IL31RA: variants seen among roughly 807,000 people sequenced by gnomAD.
IL31RA encodes interleukin 31 receptor A.
Under a neutral mutation model 83.7 loss-of-function variants are expected in IL31RA, and 66 were observed. The ratio of observed to expected loss-of-function variants is 0.79; its 90% confidence interval spans 0.65 to 0.97. IL31RA has a LOEUF of 0.97. Ranked by LOEUF, IL31RA falls within the 50% of genes least tolerant of loss-of-function variation. The pLI is 0.00. For synonymous variants in IL31RA, 325 were observed against 329.0 expected (o/e 0.99, Z 0.13); for missense variants, 798 against 919.4 (o/e 0.87, Z 1.71).
chr5:55,880,831 A>G (rs1385216626), intron 4 of IL31RA, among the ~76,000 whole-genome samples: 3 of 152,224 alleles, frequency 2.0e-5, no homozygotes, highest in Non-Finnish European at 4.4e-5. Context: ...GGAGTTTTAA[A>G]TGAAAAATTA....
intron 3 of IL31RA, 43 bp from the exon 4 acceptor site, chr5:55,872,227 A>G (rs757805189): frequency 1.4e-6 from 2 of 1,431,376 alleles, no homozygotes; most frequent in East Asian, 2.3e-5. Flanking sequence ...ATGTTTCCAA[A>G]CCATTGTACT....
upstream of IL31RA, among the ~76,000 whole-genome samples, chr5:55,848,233 G>A (rs1744980840): frequency 6.6e-6 from 1 of 152,142 alleles, no homozygotes; most frequent in Non-Finnish European, 1.5e-5. Flanking sequence ...AAAGATAGCA[G>A]TATCTACAGA....
chr5:55,872,411 A>G lies in IL31RA; in HGVS notation c.414A>G (p.Val138=). The change falls in exon 4 of 15, where the codon GTA becomes GTG. Residue 138 remains valine, a synonymous_variant. Coordinates refer to ENST00000652347, the MANE Select transcript of IL31RA (RefSeq NM_139017.7). ...IEVEAENGDG[V]IKSHMTYWRL... ...TGGAAGCTGAAAATGGAGATGGTGT[A>G]ATTAAATCTCATATGACATACTGGA... The G allele has an allele frequency of 6.2e-7, 1 of 1,610,362 alleles. No homozygotes were observed. Among genetic ancestry groups the G allele is most frequent in the East Asian group, 2.2e-5 (1 of 44,836 alleles).
At chr5:55,841,486 A>C in the IL31RA span, among the ~76,000 whole-genome samples, 1 of 152,222 alleles carries the variant, frequency 6.6e-6, no homozygotes, top group Non-Finnish European at 1.5e-5. Flanking sequence ...ATGGGCATCC[A>C]CAGGCAGGGA....
rs1169339313 is a variant in IL31RA at position 55,851,629 on chromosome 5, A to G, written c.59A>G (p.Asn20Ser). Reference sequence around the variant, plus strand: ...GCATGTGTCTGTGAATGTCCGCAAAACATTGTGAGTATTGATTTGGGGGGT... The same window carrying G: ...GCATGTGTCTGTGAATGTCCGCAAAGCATTGTGAGTATTGATTTGGGGGGT... The part of the protein sequence containing the change: ...TTACVCECPQ[N>S]ILSPQPSCVN... Residue 20 changes from asparagine (N) to serine (S), a missense_variant, in exon 1 of 15, where the codon AAC becomes AGC. By Grantham distance (46) the Asn-to-Ser change is conservative. Transcript: ENST00000652347. The G allele has an allele frequency of 1.9e-6, 3 of 1,613,872 alleles. No individual in the cohort carries two copies. The highest frequency in any genetic ancestry group is 2.5e-6 in the Non-Finnish European group (3 of 1,179,834).
chr5:55,842,016 G>A, the IL31RA span, among the ~76,000 whole-genome samples: 36 of 152,068 alleles, frequency 2.4e-4, no homozygotes, highest in African/African-American at 7.0e-4. Context: ...CTGGCCTCAA[G>A]CAATCCTCCC....
chr5:55,840,019 A>T, the IL31RA span: 1 of 489,820 alleles, frequency 2.0e-6, no homozygotes, highest in East Asian at 3.9e-5. Context: ...TTGGTGCCCA[A>T]CATCATTGTC....
At chr5:55,862,846 A>C (rs934577962) in intron 2 of IL31RA, among the ~76,000 whole-genome samples, 3 of 152,216 alleles carry the variant, frequency 2.0e-5, no homozygotes, top group Non-Finnish European at 4.4e-5. Context: ...CTTAAGGAGT[A>C]CTGACAAGTA....
intron 8 of IL31RA, among the ~76,000 whole-genome samples, chr5:55,904,369 T>G (rs1749004507): frequency 6.6e-6 from 1 of 152,072 alleles, no homozygotes; most frequent in South Asian, 2.1e-4. Flanking sequence ...GCGCCAACAT[T>G]GGCTGCTAGA....
intron 9 of IL31RA, among the ~76,000 whole-genome samples, chr5:55,906,725 C>T (rs1419847380): frequency 5.3e-5 from 8 of 152,162 alleles, no homozygotes; most frequent in Admixed American, 3.3e-4. Flanking sequence ...GTAAGATATG[C>T]GAGTGAGGCT....
rs1747893784 is a variant in IL31RA at position 55,890,109 on chromosome 5, A to T, written c.746A>T (p.Glu249Val). ...ESKFWSDWSQ[E>V]KMGMTEEEAP... ...AAGTTCTGGAGTGACTGGAGCCAAG[A>T]AAAAATGGGAATGACTGAGGAAGAA... is the stretch of plus-strand genomic sequence containing the variant. Residue 249 changes from glutamate (E) to valine (V), a missense_variant, in exon 6 of 15, where the codon GAA becomes GTA. By Grantham distance (121) the Glu-to-Val change is moderately radical (BLOSUM62 -2). Transcript: ENST00000652347. The T allele has an allele frequency of 6.2e-7, 1 of 1,613,746 alleles. No individual in the cohort carries two copies. Among genetic ancestry groups the T allele is most frequent in the African/African-American group, 1.3e-5 (1 of 74,904 alleles).
At chr5:55,911,154 C>T (rs1580744216) in intron 12 of IL31RA, among the ~76,000 whole-genome samples, 3 of 150,632 alleles carry the variant, frequency 2.0e-5, no homozygotes, top group Admixed American at 2.0e-4. Flanking sequence ...GGAAGCCTCA[C>T]AGTCATGGTG....
At chr5:55,884,266 T>C (rs1305311325) in intron 5 of IL31RA, among the ~76,000 whole-genome samples, 1 of 152,230 alleles carries the variant, frequency 6.6e-6, no homozygotes, top group Non-Finnish European at 1.5e-5. Context: ...TTTTGAGGAA[T>C]AGTCACTTAA....
rs527250935 is a variant in IL31RA at position 55,872,829 on chromosome 5, C to G, written c.454+378C>G. Among the ~76,000 whole-genome samples, 370 of 131,934 alleles carry G rather than the reference C, an allele frequency of 2.8e-3. 6 individuals are homozygous for G. Among genetic ancestry groups the G allele is most frequent in the African/African-American group, 0.011 (344 of 31,334 alleles). The allele number at this position is 131,934 out of a possible 152,430, so 86.6% of individuals were successfully genotyped here. A position where few individuals can be genotyped will look rare whatever the true frequency, so the allele number is the denominator to read the frequency against. ...CATAAAATTATTATTTTTTAAAATGCCTCACCACTTCTGACTTAAAAAAAA... is the reference window on the plus strand; with the variant it reads ...CATAAAATTATTATTTTTTAAAATGGCTCACCACTTCTGACTTAAAAAAAA... On this transcript the variant is annotated intron_variant, in intron 4 of 14. Transcript: ENST00000652347.
intron 10 of IL31RA, among the ~76,000 whole-genome samples, chr5:55,908,019 A>G (rs1353373459): frequency 1.3e-5 from 2 of 152,228 alleles, no homozygotes; most frequent in Non-Finnish European, 2.9e-5. Flanking sequence ...GCTGGGTACC[A>G]AATTGGAGAC....
chr5:55,862,998 A>C (rs536131647), intron 2 of IL31RA, among the ~76,000 whole-genome samples: 18 of 152,352 alleles, frequency 1.2e-4, no homozygotes, highest in Admixed American at 3.3e-4. Flanking sequence ...ACAAGGAGGA[A>C]GGCAGGACAA....
At chr5:55,866,124 A>T (rs761412373) in intron 2 of IL31RA, among the ~76,000 whole-genome samples, 4 of 152,076 alleles carry the variant, frequency 2.6e-5, no homozygotes, top group South Asian at 2.1e-4. Context: ...TCACAGCTGT[A>T]TCCTCGCCCC....
In IL31RA at chr5:55,917,258, G is replaced by C; in HGVS notation, c.*138G>C. 1 of 1,574,324 alleles carries C rather than the reference G, an allele frequency of 6.4e-7. No individual in the cohort carries two copies. Among genetic ancestry groups the C allele is most frequent in the Non-Finnish European group, 8.6e-7 (1 of 1,166,934 alleles). On this transcript the variant is annotated 3_prime_UTR_variant, in exon 15 of 15. Coordinates refer to ENST00000652347, the MANE Select transcript of IL31RA (RefSeq NM_139017.7). ...TAAAGTTTCCCCTGCCCCTTGAGCT[G>C]CCAGTTGAACTTGGTCGGCAAAGAT...
Position 55,916,897 on chromosome 5 carries a change from T to G in IL31RA, c.2072T>G (p.Val691Gly), listed in dbSNP as rs1372779313. The G allele has an allele frequency of 6.2e-7, 1 of 1,614,046 alleles. No homozygotes were observed. The highest frequency in any genetic ancestry group is 1.1e-5 in the South Asian group (1 of 91,080). Residue 691 changes from valine to glycine, a missense_variant, in exon 15 of 15, where the codon GTT becomes GGT. Val to Gly is a moderately radical substitution (Grantham distance 109). Coordinates refer to ENST00000652347, the MANE Select transcript of IL31RA (RefSeq NM_139017.7). ...GGGAAAAGTTTTGAGGAGCTCCCAG[T>G]TTCACCTGAGATTCCGCCCAGAAAA... ...PLGKSFEELP[V>G]SPEIPPRKSQ...
Sources: gnomAD v4.1 joint callset for allele counts (sites outside exome capture counted in the v4.1 genomes callset) on GRCh38, gnomAD v4.1.1 for gene constraint, MANE v1.5 for transcripts, NCBI Gene and HGNC (gene_info 2026-07-23, HGNC 2026-07-21) for gene names.